Variants in HSD17B12 observed in about 807,000 individuals in gnomAD.
HSD17B12 encodes the protein very-long-chain 3-oxoacyl-CoA reductase.
Under a neutral mutation model 39.3 loss-of-function variants are expected in HSD17B12, and 32 were observed. The observed-to-expected ratio is 0.81, with a 90% CI of 0.61 to 1.09. The LOEUF (loss-of-function observed/expected upper bound fraction) is 1.09. Among genes scored for constraint, HSD17B12 ranks in the 50% least tolerant of loss-of-function variants. The probability of loss-of-function intolerance (pLI) is 0.00; values close to 1 mark genes in which losing one functional copy is unlikely to be tolerated. For missense variants in HSD17B12, 342 were observed against 382.9 expected, an observed-to-expected ratio of 0.89 and a Z score of 0.89; for synonymous variants, 150 against 146.7, an observed-to-expected ratio of 1.02 and a Z score of -0.16.
the HSD17B12 span, among the ~76,000 whole-genome samples, chr11:43,618,357 C>T: frequency 2.2e-3 from 341 of 152,244 alleles, 3 homozygotes; most frequent in African/African-American, 7.8e-3. Flanking sequence ...GAATCTCAAA[C>T]CCTGATGCTG....
chr11:43,664,009 C>T, the HSD17B12 span, among the ~76,000 whole-genome samples: 1 of 151,940 alleles, frequency 6.6e-6, no homozygotes, highest in South Asian at 2.1e-4. Context: ...GCCACCATGC[C>T]TGGCTAATTT....
At chr11:43,687,155 T>C (rs981638393) in intron 1 of HSD17B12, among the ~76,000 whole-genome samples, 10 of 152,220 alleles carry the variant, frequency 6.6e-5, no homozygotes, top group Non-Finnish European at 1.3e-4. Flanking sequence ...TTAAAAACAG[T>C]GCATCCTTTA....
chr11:43,568,868 G>T, the HSD17B12 span, among the ~76,000 whole-genome samples: 1,535 of 152,174 alleles, frequency 0.01, 27 homozygotes, highest in African/African-American at 0.035. Context: ...TCTCTGTTTT[G>T]GGCTAGTTCA....
intron 1 of HSD17B12, among the ~76,000 whole-genome samples, chr11:43,717,274 CAT>C (rs1425503530): frequency 3.9e-5 from 6 of 152,082 alleles, no homozygotes; most frequent in Non-Finnish European, 8.8e-5. Context: ...CAGTACCTGA[CAT>C]ATATTAGAAG....
chr11:43,665,130 G>C, the HSD17B12 span, among the ~76,000 whole-genome samples: 1 of 152,222 alleles, frequency 6.6e-6, no homozygotes, highest in Non-Finnish European at 1.5e-5. Flanking sequence ...AATTCTGAAA[G>C]AGAAGTGTCT....
the HSD17B12 span, chr11:43,569,541 A>G: frequency 6.6e-6 from 1 of 152,174 alleles, no homozygotes; most frequent in Admixed American, 6.5e-5. Context: ...AGATAGGCCA[A>G]TTTGGAGTAT....
At chr11:43,717,286 G>A (rs1950132821) in intron 1 of HSD17B12, among the ~76,000 whole-genome samples, 1 of 152,108 alleles carries the variant, frequency 6.6e-6, no homozygotes, top group South Asian at 2.1e-4. Flanking sequence ...TATATTAGAA[G>A]CTCAGTAAAT....
intron 3 of HSD17B12, among the ~76,000 whole-genome samples, chr11:43,762,495 ACT>A (rs956530702): frequency 6.6e-6 from 1 of 151,992 alleles, no homozygotes; most frequent in Non-Finnish European, 1.5e-5. Flanking sequence ...CTTCCTAAAG[ACT>A]CTATTTTCTG....
chr11:43,668,192 A>G, the HSD17B12 span, among the ~76,000 whole-genome samples: 12 of 152,340 alleles, frequency 7.9e-5, no homozygotes, highest in African/African-American at 2.9e-4. Context: ...TCACTGGGCT[A>G]AAGTCACTGC....
At chr11:43,784,156 T>C (rs546266679) in intron 3 of HSD17B12, among the ~76,000 whole-genome samples, 111 of 152,212 alleles carry the variant, frequency 7.3e-4, no homozygotes, top group Non-Finnish European at 1.4e-3. Flanking sequence ...GGGGTCCACA[T>C]GAAAGAGTCA....
the HSD17B12 span, among the ~76,000 whole-genome samples, chr11:43,586,056 AC>A: frequency 6.6e-6 from 1 of 152,334 alleles, no homozygotes; most frequent in East Asian, 1.9e-4. Context: ...CCAAGGTCAC[AC>A]AGCTGGGGCT....
At chr11:43,722,998 G>A (rs1316462371) in intron 1 of HSD17B12, among the ~76,000 whole-genome samples, 5 of 152,180 alleles carry the variant, frequency 3.3e-5, no homozygotes, top group African/African-American at 1.2e-4. Flanking sequence ...GGTGGAAGCA[G>A]AATGGTCATT....
At chr11:43,698,700 T>C (rs1036053381) in intron 1 of HSD17B12, among the ~76,000 whole-genome samples, 2 of 152,210 alleles carry the variant, frequency 1.3e-5, no homozygotes, top group Non-Finnish European at 2.9e-5. Flanking sequence ...TTAAGAGTCT[T>C]TGGAAGCGTG....
chr11:43,739,535 G>A (rs1033126143), intron 1 of HSD17B12, among the ~76,000 whole-genome samples: 4 of 152,186 alleles, frequency 2.6e-5, no homozygotes, highest in Non-Finnish European at 2.9e-5. Flanking sequence ...TGCATCCTTC[G>A]AATGCTGTGT....
chr11:43,801,674 G>A (rs1950971158), intron 4 of HSD17B12, among the ~76,000 whole-genome samples: 1 of 130,732 alleles, frequency 7.6e-6, no homozygotes, highest in Non-Finnish European at 1.7e-5. Context: ...CTAGATTTCA[G>A]TAGAGCTCTG....
chr11:43,799,773 G>A (rs1464541637), intron 4 of HSD17B12, among the ~76,000 whole-genome samples: 1 of 152,100 alleles, frequency 6.6e-6, no homozygotes, highest in Non-Finnish European at 1.5e-5. Context: ...ATAAAAGAAT[G>A]GTCTTTTACA....
rs887979286 is a variant in HSD17B12, at chr11:43,746,627, T to C, written c.161-4284T>C. On this transcript the variant is annotated intron_variant, in intron 1 of 10. Transcript: ENST00000278353. ...TTTTTCCTGTAAAGCAGAAGGAGTA[T>C]ACTCTAATGTGAAAAAGTATAGTAT... Among the ~76,000 whole-genome samples the C allele has an allele frequency of 6.6e-5, 10 of 152,242 alleles. No homozygotes were observed. The East Asian group carries it at 1.9e-3, about 29-fold the overall frequency.
the HSD17B12 span, among the ~76,000 whole-genome samples, chr11:43,664,030 A>G: frequency 6.6e-6 from 1 of 151,788 alleles, no homozygotes; most frequent in Non-Finnish European, 1.5e-5. Flanking sequence ...CTGTATTTTT[A>G]GTAGAGACAG....
chr11:43,587,662 T>C, the HSD17B12 span, among the ~76,000 whole-genome samples: 1 of 152,162 alleles, frequency 6.6e-6, no homozygotes, highest in East Asian at 1.9e-4. Flanking sequence ...AGATGAGAAG[T>C]TTTGATGACT....
Sources: allele counts gnomAD v4.1 joint callset (sites outside exome capture counted in the v4.1 genomes callset), GRCh38; gene constraint gnomAD v4.1.1; transcripts MANE v1.5; gene names NCBI Gene and HGNC (gene_info 2026-07-23, HGNC 2026-07-21).